The following ZNF676 variants were observed in gnomAD, a reference collection of about 807,000 sequenced individuals.
ZNF676 encodes the protein zinc finger protein 676.
ZNF676 carries 4 observed loss-of-function variants against 6.0 expected under a neutral mutation model. The observed-to-expected ratio is 0.67, with a 90% CI of 0.33 to 1.53. The LOEUF is 1.53. Among genes scored for constraint, ZNF676 ranks in the 40% most tolerant of loss-of-function variants. The pLI, the probability that ZNF676 is intolerant of heterozygous loss-of-function variation, is 0.06. For synonymous variants in ZNF676, 198 were observed against 223.1 expected (o/e 0.89, Z 1.00); for missense variants, 644 against 679.7 (o/e 0.95, Z 0.58).
Position 22,206,441 on chromosome 19 carries a change from G to A in ZNF676, c.3+9191C>T, listed in dbSNP as rs535026011. Among the ~76,000 whole-genome samples the A allele has an allele frequency of 7.9e-5, 12 of 152,222 alleles. No individual in the cohort carries two copies. In the South Asian group the frequency reaches 2.3e-3, roughly 29 times the overall value. ...TAATCGCAGCACTTTGGGAGGCCAA[G>A]GTGGGTTGATTCCCTGAGGTCAGGA... On this transcript the variant is annotated intron_variant, in intron 1 of 3. Coordinates refer to the ZNF676 transcript ENST00000650058.
chr19:22,249,272 C>A, the ZNF676 span, among the ~76,000 whole-genome samples: 10 of 152,008 alleles, frequency 6.6e-5, no homozygotes, highest in Middle Eastern at 6.8e-3. Context: ...GTTTAGAGGG[C>A]TAAAGAGTTG....
chr19:22,199,704 A>C (rs1004035695), upstream of ZNF676, among the ~76,000 whole-genome samples: 6 of 152,196 alleles, frequency 3.9e-5, no homozygotes, highest in Non-Finnish European at 8.8e-5. Flanking sequence ...AATTTAGATA[A>C]ATTTTTATTG....
chr19:22,247,158 T>TTAGA, the ZNF676 span, among the ~76,000 whole-genome samples: 1 of 152,126 alleles, frequency 6.6e-6, no homozygotes, highest in Non-Finnish European at 1.5e-5. Context: ...TGGGATTGGG[T>TTAGA]TAGAGGCCCA....
intron 2 of ZNF676, among the ~76,000 whole-genome samples, chr19:22,189,910 T>A (rs1372741161): frequency 2.0e-5 from 3 of 152,138 alleles, no homozygotes; most frequent in Non-Finnish European, 2.9e-5. Flanking sequence ...GAAAAGCTTT[T>A]ACACTGCTGA....
At chr19:22,233,126 T>G in the ZNF676 span, among the ~76,000 whole-genome samples, 1 of 152,118 alleles carries the variant, frequency 6.6e-6, no homozygotes, top group Non-Finnish European at 1.5e-5. Flanking sequence ...TATATAAAAT[T>G]TAACATATAT....
At chr19:22,249,742 T>G in the ZNF676 span, among the ~76,000 whole-genome samples, 5 of 129,704 alleles carry the variant, frequency 3.9e-5, no homozygotes, top group African/African-American at 1.4e-4. Context: ...AAATTAAACA[T>G]TGGAATATAA....
chr19:22,210,600 C>A (rs755132774), intron 1 of ZNF676, among the ~76,000 whole-genome samples: 1 of 152,138 alleles, frequency 6.6e-6, no homozygotes, highest in South Asian at 2.1e-4. Flanking sequence ...TAATAAAATT[C>A]TCTATCCTCT....
At chr19:22,226,552 T>C in the ZNF676 span, among the ~76,000 whole-genome samples, 1 of 151,198 alleles carries the variant, frequency 6.6e-6, no homozygotes, top group African/African-American at 2.4e-5. Context: ...GTTTTATTTT[T>C]ATTTTATTTA....
At position 22,181,245 on chromosome 19, in the gene ZNF676, G is replaced by A; in HGVS notation, c.472C>T (p.Gln158Ter). 2 of 1,613,750 alleles carry A rather than the reference G, an allele frequency of 1.2e-6. No individual in the cohort carries two copies. Among genetic ancestry groups the A allele is most frequent in the Non-Finnish European group, 1.7e-6 (2 of 1,179,834 alleles). Residue 158 changes from glutamine to a stop codon, truncating the protein, a stop_gained, in exon 3 of 3, where the codon CAA (glutamine) becomes TAA (stop). Coordinates refer to ENST00000397121, the MANE Select transcript of ZNF676 (RefSeq NM_001001411.3). LOFTEE classifies it low-confidence loss of function (END_TRUNC). The stretch of plus-strand genomic sequence containing the variant: ...TCTCTAGTATAAATTCTTTCATGTT[G>A]AGATAGGTGTGAAAGCATGCAAAAT... ...RSFCMLSHLSQHERIYTRENS... is the reference protein window; with the variant it reads ...RSFCMLSHLS
intron 2 of ZNF676, among the ~76,000 whole-genome samples, chr19:22,186,176 G>T (rs1001180958): frequency 6.6e-6 from 1 of 152,130 alleles, no homozygotes; most frequent in Admixed American, 6.5e-5. Context: ...GACTAACAGT[G>T]GATCTCTCTG....
chr19:22,258,296 C>T, the ZNF676 span, among the ~76,000 whole-genome samples: 1 of 151,944 alleles, frequency 6.6e-6, no homozygotes, highest in African/African-American at 2.4e-5. Flanking sequence ...TGTCACAGTG[C>T]CCCTTGTTAA....
chr19:22,246,730 GA>G, the ZNF676 span, among the ~76,000 whole-genome samples: 3 of 152,218 alleles, frequency 2.0e-5, no homozygotes, highest in Non-Finnish European at 4.4e-5. Context: ...ACCCTAGACA[GA>G]AGCGTTACAT....
the ZNF676 span, among the ~76,000 whole-genome samples, chr19:22,254,225 G>A: frequency 1.3e-5 from 2 of 152,128 alleles, no homozygotes; most frequent in Non-Finnish European, 2.9e-5. Flanking sequence ...AGGCAGCAGA[G>A]TCATTTCACC....
At chr19:22,252,626 G>T in the ZNF676 span, among the ~76,000 whole-genome samples, 1 of 152,130 alleles carries the variant, frequency 6.6e-6, no homozygotes, top group South Asian at 2.1e-4. Flanking sequence ...GGACCAAAAG[G>T]TATGTTACAA....
At chr19:22,225,031 A>G in the ZNF676 span, among the ~76,000 whole-genome samples, 1 of 152,092 alleles carries the variant, frequency 6.6e-6, no homozygotes, top group Admixed American at 6.5e-5. Flanking sequence ...ATGTTAAAGT[A>G]TATTCACCTG....
At chr19:22,258,810 G>A in the ZNF676 span, among the ~76,000 whole-genome samples, 3 of 152,114 alleles carry the variant, frequency 2.0e-5, no homozygotes, top group African/African-American at 7.2e-5. Context: ...AATCCTATCT[G>A]TGACCTGAGC....
At position 22,181,119 on chromosome 19, in the gene ZNF676, C is replaced by G. The variant is rs367617888; in HGVS notation, c.598G>C (p.Glu200Gln). 285 of 1,613,578 alleles carry G rather than the reference C, an allele frequency of 1.8e-4. No individual in the cohort carries two copies. The highest frequency in any genetic ancestry group is 2.3e-4 in the Admixed American group (14 of 59,966). ...IHTGEKPYKCEECGKAFSKFS... is the reference protein window; with the variant it reads ...IHTGEKPYKCQECGKAFSKFS... ...TTACTAAAGGCTTTGCCACATTCTTCACATTTGTAGGGTTTCTCTCCAGTA... is the reference window on the plus strand; with the variant it reads ...TTACTAAAGGCTTTGCCACATTCTTGACATTTGTAGGGTTTCTCTCCAGTA... The change falls in exon 3 of 3, where the codon GAA becomes CAA. Residue 200 changes from glutamate (E) to glutamine (Q), a missense_variant. Physicochemically the swap from Glu to Gln is conservative, Grantham distance 29 (BLOSUM62 2). Around this residue, in one of 5 missense-constraint regions of ZNF676, gnomAD observed 280 missense variants for 269.3 expected, o/e 1.04. Transcript: ENST00000397121.
At chr19:22,230,719 C>T in the ZNF676 span, among the ~76,000 whole-genome samples, 13 of 151,556 alleles carry the variant, frequency 8.6e-5, no homozygotes, top group South Asian at 2.3e-3. Flanking sequence ...AGTGCAGTGG[C>T]CTGATCTCTG....
At chr19:22,209,894 A>G (rs1343324378) in intron 1 of ZNF676, among the ~76,000 whole-genome samples, 1 of 152,166 alleles carries the variant, frequency 6.6e-6, no homozygotes, top group African/African-American at 2.4e-5. Flanking sequence ...GGCCAAAAAA[A>G]CCACTAGGAT....
Sources: allele counts gnomAD v4.1 joint callset (sites outside exome capture counted in the v4.1 genomes callset), GRCh38; gene constraint gnomAD v4.1.1; regional missense constraint gnomAD v4.1.1; transcripts MANE v1.5; gene names NCBI Gene and HGNC (gene_info 2026-07-23, HGNC 2026-07-21).